The following MBD5 variants were observed in gnomAD, a reference collection of about 807,000 sequenced individuals.
MBD5 encodes methyl-CpG-binding domain protein 5.
A neutral mutation model predicts 117.3 loss-of-function variants in MBD5; 13 were observed. That is an observed-to-expected ratio of 0.11 (90% CI 0.07 to 0.18). The LOEUF is 0.18. MBD5 is among the 10% of genes least tolerant of loss of function. MBD5 has a pLI of 1.00. For synonymous variants in MBD5, 727 were observed against 766.4 expected (o/e 0.95, Z 0.85); for missense variants, 1,879 against 2,093.8 (o/e 0.90, Z 2.00).
At chr2:148,025,023 G>A (rs1693857765) in intron 1 of MBD5, 2 of 152,068 alleles carry the variant, frequency 1.3e-5, no homozygotes, top group South Asian at 2.1e-4. Context: ...AGTCATCAGT[G>A]GGACCCCCAT....
At chr2:148,399,530 C>T (rs937107750) in intron 4 of MBD5, among the ~76,000 whole-genome samples, 4 of 152,086 alleles carry the variant, frequency 2.6e-5, no homozygotes, top group East Asian at 3.9e-4. Context: ...CTGAAGATGC[C>T]TATCAGCTTA....
At position 148,489,526 on chromosome 2, in the gene MBD5, A is replaced by C. The variant is rs755609856; in HGVS notation, c.3894A>C (p.Pro1298=). Reference sequence around the variant, plus strand: ...GTGAGTTGCAACCGAGGATTGACCCATCTCTTGGTCAACAGGTGAAGGATG... The same window carrying C: ...GTGAGTTGCAACCGAGGATTGACCCCTCTCTTGGTCAACAGGTGAAGGATG... ...TPCELQPRID[P]SLGQQVKDGL... Residue 1298 remains proline, a synonymous_variant, in exon 11 of 14, where the codon CCA becomes CCC. Transcript: ENST00000642680. 3.7e-6 allele frequency: 6 copies of C among 1,614,112 alleles called. No individual in the cohort carries two copies. In the Admixed American group the frequency reaches 6.7e-5, roughly 18 times the overall value.
At chr2:148,392,922 A>G (rs1249700007) in intron 4 of MBD5, among the ~76,000 whole-genome samples, 1 of 152,100 alleles carries the variant, frequency 6.6e-6, no homozygotes, top group Non-Finnish European at 1.5e-5. Context: ...TGAAAGATTT[A>G]TTTTCATTTC....
chr2:148,329,150 A>G (rs1240385042), intron 3 of MBD5, among the ~76,000 whole-genome samples: 2 of 152,230 alleles, frequency 1.3e-5, no homozygotes, highest in Non-Finnish European at 2.9e-5. Context: ...ACCTGGAGAT[A>G]AAACCAAGGA....
At chr2:148,390,088 A>T (rs1252117025) in intron 4 of MBD5, among the ~76,000 whole-genome samples, 1 of 152,030 alleles carries the variant, frequency 6.6e-6, no homozygotes, top group African/African-American at 2.4e-5. Flanking sequence ...TCTTGAGTTA[A>T]TTTTTTAATA....
At chr2:148,486,123 C>T (rs373131170) in intron 10 of MBD5, among the ~76,000 whole-genome samples, 173 bp downstream of exon 10, 29 of 152,218 alleles carry the variant, frequency 1.9e-4, no homozygotes, top group African/African-American at 5.5e-4. Context: ...TGAAGGTTTT[C>T]TTTTTTTAAT....
chr2:148,347,321 G>A (rs1482524174), intron 4 of MBD5: 1 of 152,010 alleles, frequency 6.6e-6, no homozygotes, highest in Non-Finnish European at 1.5e-5. Context: ...GCTATAGTGA[G>A]CCATGACTGC....
intron 1 of MBD5, chr2:148,044,484 T>A (rs566027200): frequency 6.6e-6 from 1 of 152,294 alleles, no homozygotes; most frequent in South Asian, 2.1e-4. Flanking sequence ...TGTATTTTAG[T>A]CAACTTTCTC....
chr2:148,052,227 T>TTTTTTTTTA (rs1694728857), intron 1 of MBD5, among the ~76,000 whole-genome samples: 1 of 144,798 alleles, frequency 6.9e-6, no homozygotes, highest in African/African-American at 2.6e-5. Flanking sequence ...TTTTTTTTTT[T>TTTTTTTTTA]GAGATGGAGT....
chr2:148,134,234 A>C (rs4972330), intron 1 of MBD5, among the ~76,000 whole-genome samples: 63,962 of 150,944 alleles, frequency 0.42, 13,769 homozygotes, highest in Middle Eastern at 0.55. Context: ...ATAGATAGAT[A>C]GATCGATCGA....
chr2:148,350,050 A>G (rs1703215260), intron 4 of MBD5, among the ~76,000 whole-genome samples: 1 of 151,974 alleles, frequency 6.6e-6, no homozygotes, highest in Non-Finnish European at 1.5e-5. Flanking sequence ...TGACAGACAC[A>G]GGTTTGATTC....
intron 4 of MBD5, among the ~76,000 whole-genome samples, chr2:148,432,269 C>G (rs754370260): frequency 4.0e-5 from 6 of 151,850 alleles, no homozygotes; most frequent in Non-Finnish European, 5.9e-5. Flanking sequence ...GATATTAGAC[C>G]CTTGTCAGAT....
At chr2:148,259,589 C>T (rs566461456) in intron 3 of MBD5, among the ~76,000 whole-genome samples, 235 of 152,250 alleles carry the variant, frequency 1.5e-3, no homozygotes, top group South Asian at 3.3e-3. Flanking sequence ...GGGTGAGTGG[C>T]AGGTAGCAGG....
At chr2:148,099,987 A>G (rs757104831) in intron 1 of MBD5, among the ~76,000 whole-genome samples, 2 of 152,212 alleles carry the variant, frequency 1.3e-5, no homozygotes, top group African/African-American at 4.8e-5. Flanking sequence ...CTTACAGCCT[A>G]GTGGGGTAGA....
At chr2:148,442,134 C>T (rs1456175895) in intron 4 of MBD5, among the ~76,000 whole-genome samples, 1 of 151,554 alleles carries the variant, frequency 6.6e-6, no homozygotes, top group African/African-American at 2.4e-5. Flanking sequence ...TCAATTTTGG[C>T]TTTTGTTGCC....
At chr2:148,144,801 T>G (rs1318252153) in intron 1 of MBD5, among the ~76,000 whole-genome samples, 4 of 152,084 alleles carry the variant, frequency 2.6e-5, no homozygotes, top group Non-Finnish European at 5.9e-5. Context: ...TGTTCCATTG[T>G]TCTGTATCTC....
intron 4 of MBD5, among the ~76,000 whole-genome samples, chr2:148,355,123 G>T (rs201191246): frequency 6.9e-4 from 66 of 95,326 alleles, no homozygotes; most frequent in Middle Eastern, 6.6e-3. Context: ...GGGGTTGTTT[G>T]TTTTTTTTCT....
At chr2:148,204,590 A>G (rs993330557) in intron 2 of MBD5, among the ~76,000 whole-genome samples, 2 of 152,214 alleles carry the variant, frequency 1.3e-5, no homozygotes, top group South Asian at 2.1e-4. Context: ...CAGGTCAATA[A>G]TAGAAGGGGA....
intron 2 of MBD5, among the ~76,000 whole-genome samples, chr2:148,182,742 T>G (rs1443981529): frequency 2.6e-5 from 4 of 152,238 alleles, no homozygotes; most frequent in African/African-American, 7.2e-5. Context: ...CAATGGCTTT[T>G]GATGGCAGCT....
Sources: gnomAD v4.1 joint callset for allele counts (sites outside exome capture counted in the v4.1 genomes callset) on GRCh38, gnomAD v4.1.1 for gene constraint, MANE v1.5 for transcripts, NCBI Gene and HGNC (gene_info 2026-07-23, HGNC 2026-07-21) for gene names.